GMNC: variants seen among roughly 807,000 people sequenced by gnomAD.
GMNC encodes geminin coiled-coil domain containing.
Under a neutral mutation model 33.6 loss-of-function variants are expected in GMNC, and 16 were observed. The ratio of observed to expected loss-of-function variants is 0.48; its 90% confidence interval spans 0.32 to 0.72. The LOEUF (loss-of-function observed/expected upper bound fraction) is 0.72, where lower values mean the gene tolerates loss of function less well. Ranked by LOEUF, GMNC falls within the 30% of genes least tolerant of loss-of-function variation. GMNC has a pLI of 0.03. For synonymous variants in GMNC, 156 were observed against 147.3 expected (o/e 1.06, Z -0.43); for missense variants, 393 against 388.9 (o/e 1.01, Z -0.09).
rs541749386 is a variant in GMNC, at chr3:190,862,294, T to G, written c.3+319A>C. Among the ~76,000 whole-genome samples the G allele has an allele frequency of 2.0e-5, 3 of 150,476 alleles. No individual in the cohort carries two copies. The South Asian group carries it at 6.3e-4, about 32-fold the overall frequency. On this transcript the variant is annotated intron_variant, in intron 1 of 4. Coordinates refer to ENST00000442080, the MANE Select transcript of GMNC (RefSeq NM_001146686.3). This position sits in a 1 kb window ranked among gnomAD's most constrained non-coding sequence, Gnocchi z 4.5. ...TATATGCATAATCTAGAGGAAGAGG[T>G]AGAATGAAAAGTGAGTGCAGGTGGA...
chr3:190,845,540 C>T, the GMNC span, among the ~76,000 whole-genome samples: 1,460 of 132,044 alleles, frequency 0.011, 24 homozygotes, highest in African/African-American at 0.042. Context: ...GACTGAGTCT[C>T]GCTCTATCCC....
the GMNC span, among the ~76,000 whole-genome samples, chr3:190,844,576 C>A: frequency 1.3e-5 from 2 of 151,386 alleles, no homozygotes; most frequent in South Asian, 2.1e-4. Flanking sequence ...AATTTAAGAA[C>A]GATTGATAGT....
At position 190,855,000 on chromosome 3, in the gene GMNC, G is replaced by T. The variant is rs941497814; in HGVS notation, c.*295C>A. On this transcript the variant is annotated 3_prime_UTR_variant, in exon 5 of 5. Transcript: ENST00000442080. ...GGAAAAATGTATCTAGGTCTTAAAG[G>T]AATATAGAAGTGAGTGGAAAATACC... 29 of 321,528 alleles carry T rather than the reference G, an allele frequency of 9.0e-5. No homozygotes were observed. Among genetic ancestry groups the T allele is most frequent in the African/African-American group, 6.0e-4 (29 of 48,398 alleles). The allele number at this position is 321,528 out of a possible 1,614,324, so 19.9% of individuals were successfully genotyped here.
In GMNC at chr3:190,854,785, AGTG is replaced by A. The variant is rs1452417554; in HGVS notation, c.*507_*509del. 1 of 173,554 alleles carries A rather than the reference AGTG, an allele frequency of 5.8e-6. No homozygotes were observed. The highest frequency in any genetic ancestry group is 1.3e-5 in the Non-Finnish European group (1 of 79,300). The allele number at this position is 173,554 out of a possible 1,614,324, so 10.8% of individuals were successfully genotyped here. A position where few individuals can be genotyped will look rare whatever the true frequency, so the allele number is the denominator to read the frequency against. On this transcript the variant is annotated 3_prime_UTR_variant, in exon 5 of 5. Coordinates refer to ENST00000442080, the MANE Select transcript of GMNC (RefSeq NM_001146686.3). The stretch of plus-strand genomic sequence containing the variant: ...ACATCCACATTATGTCTTCAGGAGT[AGTG>A]GTGATGGGCAAAGACACTTGTTTCA...
In GMNC at chr3:190,862,362, A is replaced by AGAGAGAGAGAGAGGGCGAGAGAGAG. The variant is rs1553787646; in HGVS notation, c.3+250_3+251insCTCTCTCTCGCCCTCTCTCTCTCTC. Among the ~76,000 whole-genome samples the AGAGAGAGAGAGAGGGCGAGAGAGAG allele has an allele frequency of 2.7e-5, 4 of 147,664 alleles. No individual in the cohort carries two copies. Among genetic ancestry groups the AGAGAGAGAGAGAGGGCGAGAGAGAG allele is most frequent in the South Asian group, 2.2e-4 (1 of 4,488 alleles). ...AAGTAAGGAAAGTAGTAATAACAGA[A>AGAGAGAGAGAGAGGGCGAGAGAGAG]AGAGAGAGAGAGGGCGAGAGAGAGA... On this transcript the variant is annotated intron_variant, in intron 1 of 4. Coordinates refer to ENST00000442080, the MANE Select transcript of GMNC (RefSeq NM_001146686.3). This position sits in a 1 kb window ranked among gnomAD's most constrained non-coding sequence, Gnocchi z 4.5.
chr3:190,856,535 A>C (rs1408043987), intron 4 of GMNC, among the ~76,000 whole-genome samples: 1 of 148,330 alleles, frequency 6.7e-6, no homozygotes, highest in African/African-American at 2.5e-5. Flanking sequence ...TCATTTATAA[A>C]TGAACTATCA....
Position 190,855,403 on chromosome 3 carries a change from C to G in GMNC, c.897G>C (p.Leu299=). ...GAGTTTTCACATTACAATGAGGGCTCAGGGATGTGGAAAATGCCATCTCTG... is the reference window on the plus strand; with the variant it reads ...GAGTTTTCACATTACAATGAGGGCTGAGGGATGTGGAAAATGCCATCTCTG... ...NKTEMAFSTS[L]SPHCNVKTHS... is the part of the protein sequence containing the mutation. The change falls in exon 5 of 5, where the codon CTG becomes CTC. Residue 299 remains leucine (L), a synonymous_variant. Coordinates refer to ENST00000442080, the MANE Select transcript of GMNC (RefSeq NM_001146686.3). The G allele has an allele frequency of 3.2e-6, 5 of 1,551,968 alleles. No homozygotes were observed. The highest frequency in any genetic ancestry group is 4.4e-6 in the Non-Finnish European group (5 of 1,146,984).
At chr3:190,848,854 T>C (rs1018129), downstream of GMNC, among the ~76,000 whole-genome samples, 79,580 of 152,072 alleles carry the variant, frequency 0.52, 23,449 homozygotes, top group African/African-American at 0.81. Context: ...GTGGAGGAAC[T>C]TACTTTTTAT....
intron 3 of GMNC, 58 bp from the exon 4 acceptor site, chr3:190,857,957 A>G (rs1197232988): frequency 1.1e-6 from 1 of 896,250 alleles, no homozygotes; most frequent in South Asian, 1.4e-5. Context: ...GTAACCTTAT[A>G]ATAATGCCAC....
At chr3:190,857,933 A>C (rs1025167042) in intron 3 of GMNC, 34 bp from the exon 4 acceptor site, 19 of 1,096,576 alleles carry the variant, frequency 1.7e-5, no homozygotes, top group Non-Finnish European at 2.3e-5. Context: ...AGGCTGCTCC[A>C]CTATATTGAC....
Position 190,860,898 on chromosome 3 carries a change from G to A in GMNC, c.4-40C>T, listed in dbSNP as rs987129645. On this transcript the variant is annotated intron_variant, in intron 1 of 4. Transcript: ENST00000442080. The stretch of plus-strand genomic sequence containing the variant: ...ATGGGGGGAGTGAGGGGTCCCAAAA[G>A]ATGGGGTGATGGAGATTTAGAAGGG... 4 of 1,414,092 alleles carry A rather than the reference G, an allele frequency of 2.8e-6. No individual in the cohort carries two copies. In the African/African-American group the frequency reaches 5.7e-5, roughly 20 times the overall value. The allele number at this position is 1,414,092 out of a possible 1,614,324, so 87.6% of individuals were successfully genotyped here. A position where few individuals can be genotyped will look rare whatever the true frequency, so the allele number is the denominator to read the frequency against.
At chr3:190,844,502 C>G in the GMNC span, among the ~76,000 whole-genome samples, 2 of 146,698 alleles carry the variant, frequency 1.4e-5, no homozygotes, top group Non-Finnish European at 3.0e-5. Context: ...AATTTATATG[C>G]ATATTTCAGA....
downstream of GMNC, among the ~76,000 whole-genome samples, chr3:190,851,171 A>T (rs530925365): frequency 3.3e-5 from 5 of 152,210 alleles, no homozygotes; most frequent in East Asian, 9.6e-4. Context: ...CAAAATTTTC[A>T]TATGTGGATA....
chr3:190,859,734 G>A (rs1737821711), intron 2 of GMNC: 1 of 396,664 alleles, frequency 2.5e-6, no homozygotes, highest in Non-Finnish European at 5.0e-6. Context: ...ACTATGGTTG[G>A]GCATACTAAC....
intron 2 of GMNC, among the ~76,000 whole-genome samples, chr3:190,860,351 A>G (rs1362824326): frequency 6.6e-6 from 1 of 152,162 alleles, no homozygotes; most frequent in Non-Finnish European, 1.5e-5. Context: ...AAGTGTTCCA[A>G]CTGGTATCCT....
downstream of GMNC, among the ~76,000 whole-genome samples, chr3:190,852,284 C>A (rs62286312): frequency 6.6e-6 from 1 of 152,036 alleles, no homozygotes; most frequent in African/African-American, 2.4e-5. Flanking sequence ...TTAAAAAAGT[C>A]GTTTTCTTGA....
At chr3:190,857,930 T>A in intron 3 of GMNC, 31 bp from the exon 4 acceptor site, 1 of 1,135,904 alleles carries the variant, frequency 8.8e-7, no homozygotes, top group Non-Finnish European at 1.3e-6. Flanking sequence ...TGAAGGCTGC[T>A]CCACTATATT....
chr3:190,861,636 T>C lies in GMNC; in HGVS notation c.4-778A>G, dbSNP rs1737873608. Reference sequence around the variant, plus strand: ...TAGCAAAGACAGCAAGCTCTAGTTCTGTCCATCACTAGGGCTCAGTGCCCC... The same window carrying C: ...TAGCAAAGACAGCAAGCTCTAGTTCCGTCCATCACTAGGGCTCAGTGCCCC... On this transcript the variant is annotated intron_variant, in intron 1 of 4. Transcript: ENST00000442080. This position sits in a 1 kb window ranked among gnomAD's most constrained non-coding sequence, Gnocchi z 5.1. Among the ~76,000 whole-genome samples, 1 of 152,220 alleles carries C rather than the reference T, an allele frequency of 6.6e-6. No individual in the cohort carries two copies. Among genetic ancestry groups the C allele is most frequent in the South Asian group, 2.1e-4 (1 of 4,836 alleles).
rs1359436054 is a variant in GMNC, at chr3:190,854,490, A to G, written c.*805T>C. 1 of 152,170 alleles carries G rather than the reference A, an allele frequency of 6.6e-6. No homozygotes were observed. Among genetic ancestry groups the G allele is most frequent in the African/African-American group, 2.4e-5 (1 of 41,436 alleles). The allele number at this position is 152,170 out of a possible 1,614,324, so 9.4% of individuals were successfully genotyped here. A position where few individuals can be genotyped will look rare whatever the true frequency, so the allele number is the denominator to read the frequency against. ...CTATTTTCAGCAATAGGAGTTTGTCAGCATCTGGGTAGTTGCAGATGATGA... is the reference window on the plus strand; with the variant it reads ...CTATTTTCAGCAATAGGAGTTTGTCGGCATCTGGGTAGTTGCAGATGATGA... On this transcript the variant is annotated 3_prime_UTR_variant, in exon 5 of 5. Coordinates refer to ENST00000442080, the MANE Select transcript of GMNC (RefSeq NM_001146686.3).
Sources: allele counts gnomAD v4.1 joint callset (sites outside exome capture counted in the v4.1 genomes callset), GRCh38; gene constraint gnomAD v4.1.1; non-coding constraint Gnocchi (gnomAD v3.1); transcripts MANE v1.5; gene names NCBI Gene and HGNC (gene_info 2026-07-23, HGNC 2026-07-21).